Variants in MPP2 observed in about 807,000 individuals in gnomAD.
The protein encoded by MPP2 is MAGUK p55 scaffold protein 2, also known as MAGUK p55 subfamily member 2.
Under a neutral mutation model 58.5 loss-of-function variants are expected in MPP2, and 42 were observed. The ratio of observed to expected loss-of-function variants is 0.72; its 90% CI spans 0.56 to 0.93. The LOEUF (loss-of-function observed/expected upper bound fraction) is 0.93, where lower values mean the gene tolerates loss of function less well. Ranked by LOEUF, MPP2 falls within the 40% of genes least tolerant of loss-of-function variation. MPP2 has a pLI of 0.00. For synonymous variants in MPP2, 300 were observed against 307.8 expected, an observed-to-expected ratio of 0.97 and a Z score of 0.26; for missense variants, 632 against 760.4, an observed-to-expected ratio of 0.83 and a Z score of 1.99.
intron 2 of MPP2, chr17:43,901,157 G>C (rs1477450207): frequency 9.6e-6 from 6 of 627,262 alleles, no homozygotes; most frequent in African/African-American, 6.0e-5. Flanking sequence ...GCCTCACTTG[G>C]GCATGGGGCA....
Position 43,876,637 on chromosome 17 carries a change from T to TCACACACA in MPP2, c.*1169_*1170insTGTGTGTG, listed in dbSNP as rs2046841828. 7.6e-6 allele frequency: 1 copy of TCACACACA among 131,510 alleles called. No homozygotes were observed. Among genetic ancestry groups the TCACACACA allele is most frequent in the African/African-American group, 3.0e-5 (1 of 32,940 alleles). 8.1% of individuals were successfully genotyped at this position (131,510 alleles called of 1,614,324 possible). ...CTTTGCTTCCTCCCCAAATTAAACC[T>TCACACACA]GACACACACACACACACACGCACGT... On this transcript the variant is annotated 3_prime_UTR_variant, in exon 13 of 13. Coordinates refer to ENST00000269095, the MANE Select transcript of MPP2 (RefSeq NM_005374.5).
chr17:43,900,390 C>T, intron 2 of MPP2: 2 of 1,501,706 alleles, frequency 1.3e-6, no homozygotes, highest in Non-Finnish European at 1.8e-6. Flanking sequence ...AGGCCACCCT[C>T]CCCAGATGCC....
chr17:43,900,059 G>C (rs376003828), intron 2 of MPP2, among the ~76,000 whole-genome samples: 29 of 152,270 alleles, frequency 1.9e-4, no homozygotes, highest in African/African-American at 6.5e-4. Context: ...TGGGGAGGAG[G>C]GGGCACTGGA....
intron 6 of MPP2, 71 bp from the exon 7 acceptor site, chr17:43,881,660 G>T (rs1350964565): frequency 1.3e-6 from 2 of 1,552,250 alleles, no homozygotes. Flanking sequence ...TCTACCCCAT[G>T]CCCCCTCTTT....
intron 3 of MPP2, among the ~76,000 whole-genome samples, chr17:43,886,249 T>C (rs1303051464): frequency 6.6e-6 from 1 of 152,146 alleles, no homozygotes; most frequent in Non-Finnish European, 1.5e-5. Flanking sequence ...TAGAAATCAC[T>C]CCATGAAACT....
chr17:43,896,395 T>C (rs1437631029), intron 3 of MPP2, among the ~76,000 whole-genome samples: 1 of 152,062 alleles, frequency 6.6e-6, no homozygotes, highest in African/African-American at 2.4e-5. Flanking sequence ...ACTGTCCTCC[T>C]TGGAAAACTT....
chr17:43,890,944 C>T (rs1010503347), intron 3 of MPP2, among the ~76,000 whole-genome samples: 2 of 152,224 alleles, frequency 1.3e-5, no homozygotes, highest in Admixed American at 6.5e-5. Context: ...CCCAACCAAC[C>T]CACAAAATCA....
rs751973227 is a variant in MPP2, at chr17:43,881,119, C to G, written c.959G>C (p.Arg320Pro). The change falls in exon 9 of 13, where the codon CGA (arginine) becomes CCA (proline). Residue 320 changes from arginine (R) to proline (P), a missense_variant. Arg to Pro is a moderately radical substitution (Grantham distance 103). Transcript: ENST00000269095. ...CGSLSGKKKK[R>P]MMYLTTKNAE... is the part of the protein sequence containing the mutation. ...ATTCTTGGTGGTCAAATACATCATTCGCTTCTTTTTCTTTCCTGAAAGGCT... is the reference window on the plus strand; with the variant it reads ...ATTCTTGGTGGTCAAATACATCATTGGCTTCTTTTTCTTTCCTGAAAGGCT... 4 of 1,613,886 alleles carry G rather than the reference C, an allele frequency of 2.5e-6. No individual in the cohort carries two copies. The highest frequency in any genetic ancestry group is 3.4e-6 in the Non-Finnish European group (4 of 1,179,968).
chr17:43,878,276 C>T lies in MPP2; in HGVS notation c.1483-293G>A, dbSNP rs1763838543. Among the ~76,000 whole-genome samples the T allele has an allele frequency of 3.3e-5, 5 of 152,206 alleles. No homozygotes were observed. In the South Asian group the frequency reaches 1.0e-3, roughly 31 times the overall value. Reference sequence around the variant, plus strand: ...CTGCAAGATAGGATTAATTCTTTCCCATTTATAGCAGAGAAAATGAAGGTA... The same window carrying T: ...CTGCAAGATAGGATTAATTCTTTCCTATTTATAGCAGAGAAAATGAAGGTA... On this transcript the variant is annotated intron_variant, in intron 12 of 12. Transcript: ENST00000269095.
In MPP2 at chr17:43,875,832, G is replaced by A. The variant is rs952134916; in HGVS notation, c.*1975C>T. The stretch of plus-strand genomic sequence containing the variant: ...AGAGATGATGGTCATTTGGATCAAG[G>A]GGGCAGAAGCAGCTGCAACAACAGA... On this transcript the variant is annotated 3_prime_UTR_variant, in exon 13 of 13. Coordinates refer to ENST00000269095, the MANE Select transcript of MPP2 (RefSeq NM_005374.5). 1 of 152,196 alleles carries A rather than the reference G, an allele frequency of 6.6e-6. No homozygotes were observed. Among genetic ancestry groups the A allele is most frequent in the Non-Finnish European group, 1.5e-5 (1 of 68,058 alleles). 9.4% of individuals were successfully genotyped at this position (152,196 alleles called of 1,614,324 possible). A position where few individuals can be genotyped will look rare whatever the true frequency, so the allele number is the denominator to read the frequency against.
Position 43,881,356 on chromosome 17 carries a change from C to A in MPP2, c.814-7G>T, listed in dbSNP as rs772604062. 1 of 1,614,134 alleles carries A rather than the reference C, an allele frequency of 6.2e-7. No homozygotes were observed. The highest frequency in any genetic ancestry group is 1.1e-5 in the South Asian group (1 of 91,084). The stretch of plus-strand genomic sequence containing the variant: ...CCCCTTCGACATGGCATGCCTAAAA[C>A]GGACATGAGACCAAGATCTGCCTGA... On this transcript the variant is annotated splice_polypyrimidine_tract_variant and splice_region_variant and intron_variant, in intron 7 of 12. Coordinates refer to ENST00000269095, the MANE Select transcript of MPP2 (RefSeq NM_005374.5).
At chr17:43,888,093 A>G (rs1177116949) in intron 3 of MPP2, among the ~76,000 whole-genome samples, 1 of 152,210 alleles carries the variant, frequency 6.6e-6, no homozygotes. Context: ...TGAGATGGTG[A>G]GATTTGAGTA....
intron 2 of MPP2, among the ~76,000 whole-genome samples, chr17:43,900,258 C>A (rs747658259): frequency 1.3e-5 from 2 of 152,176 alleles, no homozygotes; most frequent in Non-Finnish European, 2.9e-5. Flanking sequence ...GGGCAGGGAC[C>A]CTTCCCTTCC....
At chr17:43,890,238 G>A (rs1276334613) in intron 3 of MPP2, among the ~76,000 whole-genome samples, 1 of 151,820 alleles carries the variant, frequency 6.6e-6, no homozygotes, top group Admixed American at 6.6e-5. Context: ...CTATTATTTT[G>A]CTAAGACTTA....
At chr17:43,901,788 T>C (rs1019912331) in intron 2 of MPP2, among the ~76,000 whole-genome samples, 1 of 152,138 alleles carries the variant, frequency 6.6e-6, no homozygotes, top group Non-Finnish European at 1.5e-5. Context: ...CCACTGTCCA[T>C]TTATCTCCCA....
chr17:43,901,485 G>A, intron 2 of MPP2: 2 of 985,478 alleles, frequency 2.0e-6, no homozygotes, highest in Non-Finnish European at 2.4e-6. Flanking sequence ...CCATTCCTCT[G>A]AGATCTTGTG....
Position 43,877,889 on chromosome 17 carries a change from T to C in MPP2, c.1577A>G (p.Glu526Gly). ...TGTCTGGAGCTCGCGGAAGGTCCTC[T>C]CCAGGTTGCTATTGACCAGGCAGAG... ...FDLCLVNSNL[E>G]RTFRELQTAM... The change falls in exon 13 of 13, where the codon GAG becomes GGG. Residue 526 changes from glutamate to glycine, a missense_variant. Glu to Gly is a moderately conservative substitution (Grantham distance 98). Transcript: ENST00000269095. The C allele has an allele frequency of 6.2e-7, 1 of 1,614,068 alleles. No homozygotes were observed. The highest frequency in any genetic ancestry group is 8.5e-7 in the Non-Finnish European group (1 of 1,179,952).
In MPP2 at chr17:43,880,942, A is replaced by C; in HGVS notation, c.989-90T>G. 6.5e-7 allele frequency: 1 copy of C among 1,542,550 alleles called. No homozygotes were observed. The highest frequency in any genetic ancestry group is 8.8e-7 in the Non-Finnish European group (1 of 1,133,724). ...GAGGCTGAGGGCAAGAGGGCTTGGA[A>C]CAGGGGAGCAGGGGGGAGTCGGGCA... On this transcript the variant is annotated intron_variant, in intron 9 of 12. Coordinates refer to ENST00000269095, the MANE Select transcript of MPP2 (RefSeq NM_005374.5). This position sits in a 1 kb window ranked among gnomAD's most constrained non-coding sequence, Gnocchi z 5.2.
intron 2 of MPP2, among the ~76,000 whole-genome samples, chr17:43,898,879 T>G (rs990764812): frequency 6.6e-6 from 1 of 151,988 alleles, no homozygotes; most frequent in Non-Finnish European, 1.5e-5. Flanking sequence ...GCAGGAGAAC[T>G]GCTTGAACCT....
Sources: allele counts gnomAD v4.1 joint callset (sites outside exome capture counted in the v4.1 genomes callset), GRCh38; gene constraint gnomAD v4.1.1; non-coding constraint Gnocchi (gnomAD v3.1); transcripts MANE v1.5; gene names NCBI Gene and HGNC (gene_info 2026-07-23, HGNC 2026-07-21).